Variants in PDXDC1 observed in about 807,000 individuals in gnomAD.
PDXDC1 encodes the protein pyridoxal dependent decarboxylase domain containing 1.
A neutral mutation model predicts 100.1 loss-of-function variants in PDXDC1; 42 were observed. That is an observed-to-expected ratio of 0.42 (90% confidence interval 0.33 to 0.54). The LOEUF (loss-of-function observed/expected upper bound fraction) is 0.54, where lower values mean the gene tolerates loss of function less well. PDXDC1 is among the 20% of genes least tolerant of loss of function. PDXDC1 has a pLI of 0.10. For missense variants in PDXDC1, 636 were observed against 979.2 expected (o/e 0.65, Z 4.68); for synonymous variants, 260 against 371.7 (o/e 0.70, Z 3.46).
intron 6 of PDXDC1, among the ~76,000 whole-genome samples, chr16:15,007,959 C>T (rs1396102290): frequency 2.0e-5 from 3 of 152,250 alleles, no homozygotes; most frequent in Non-Finnish European, 4.4e-5. Context: ...TAGAAAAATA[C>T]GTAAATTTAT....
At chr16:15,028,709 CGAG>C (rs1208955110) in intron 14 of PDXDC1, among the ~76,000 whole-genome samples, 166 bp from the exon 15 acceptor site, 1 of 152,288 alleles carries the variant, frequency 6.6e-6, no homozygotes, top group Non-Finnish European at 1.5e-5. Flanking sequence ...ACATAGATCA[CGAG>C]GAAAAAGAAA....
downstream of PDXDC1, among the ~76,000 whole-genome samples, chr16:15,139,813 G>C (rs1248258130): frequency 6.6e-6 from 1 of 152,016 alleles, no homozygotes; most frequent in African/African-American, 2.4e-5. Flanking sequence ...AGAAAAGAAA[G>C]ATGGCTGGGC....
chr16:14,991,822 G>A (rs59299606), intron 1 of PDXDC1, among the ~76,000 whole-genome samples: 36,151 of 146,054 alleles, frequency 0.25, 1,854 homozygotes, highest in East Asian at 0.45. Flanking sequence ...CACACCTGGC[G>A]TATTTTATCT....
intron 16 of PDXDC1, among the ~76,000 whole-genome samples, chr16:15,064,421 C>T (rs1284205405): frequency 6.6e-6 from 1 of 152,110 alleles, no homozygotes; most frequent in Non-Finnish European, 1.5e-5. Context: ...GTGATCCGCC[C>T]GCCTCAGCCT....
intron 16 of PDXDC1, chr16:15,048,229 A>C: frequency 3.2e-6 from 2 of 632,750 alleles, no homozygotes; most frequent in South Asian, 4.0e-5. Context: ...GTTAGTGGAC[A>C]GAGAGGCTCA....
At chr16:15,041,943 T>A (rs2043834980), downstream of PDXDC1, among the ~76,000 whole-genome samples, 1 of 152,234 alleles carries the variant, frequency 6.6e-6, no homozygotes, top group South Asian at 2.1e-4. Flanking sequence ...CTCTTCATTC[T>A]GAGAGTTTTG....
At chr16:15,147,999 G>GT in the PDXDC1 span, among the ~76,000 whole-genome samples, 275 of 146,458 alleles carry the variant, frequency 1.9e-3, no homozygotes, top group African/African-American at 4.7e-3. Flanking sequence ...TTTTTGTTTT[G>GT]TTTTTTTTTT....
At chr16:15,020,975 AACACACACACACACAC>A (rs66850292) in intron 12 of PDXDC1, among the ~76,000 whole-genome samples, 39 of 145,936 alleles carry the variant, frequency 2.7e-4, no homozygotes, top group African/African-American at 6.9e-4. Flanking sequence ...GCACCATCTA[AACACACACACACACAC>A]ACACACACAC....
At chr16:15,115,051 T>G (rs2047197913) in intron 16 of PDXDC1, among the ~76,000 whole-genome samples, 1 of 146,524 alleles carries the variant, frequency 6.8e-6, no homozygotes, top group African/African-American at 2.5e-5. Context: ...TTCTCCTGCC[T>G]CAGCCTCCCG....
chr16:15,027,262 C>T (rs1440316299), intron 14 of PDXDC1, among the ~76,000 whole-genome samples: 1 of 152,296 alleles, frequency 6.6e-6, no homozygotes, highest in Non-Finnish European at 1.5e-5. Context: ...GGGTGTGGCT[C>T]GCTTCTTCAG....
intron 16 of PDXDC1, among the ~76,000 whole-genome samples, chr16:15,053,883 G>A (rs1393019875): frequency 1.3e-5 from 2 of 152,202 alleles, no homozygotes; most frequent in Admixed American, 6.5e-5. Context: ...CAGCAATCCA[G>A]CCTGGGCCAC....
intron 16 of PDXDC1, among the ~76,000 whole-genome samples, chr16:15,110,064 G>A (rs947041644): frequency 6.7e-6 from 1 of 148,282 alleles, no homozygotes; most frequent in African/African-American, 2.4e-5. Context: ...TGAGGCAGGA[G>A]AATTGCTTGA....
chr16:15,039,318 C>G (rs1164649888), downstream of PDXDC1, among the ~76,000 whole-genome samples: 1 of 152,208 alleles, frequency 6.6e-6, no homozygotes, highest in Non-Finnish European at 1.5e-5. Context: ...AATCCAAACA[C>G]ATTTCCCAGT....
Position 15,031,795 on chromosome 16 carries a change from C to G in PDXDC1, c.1460C>G (p.Pro487Arg), listed in dbSNP as rs1444056122. The change falls in exon 17 of 23, where the codon CCA becomes CGA. Residue 487 changes from proline (P) to arginine (R), a missense_variant. Physicochemically the swap from Pro to Arg is moderately radical, Grantham distance 103 (BLOSUM62 -2). Around this residue, in one of 4 missense-constraint regions of PDXDC1, gnomAD observed 452 missense variants for 402.9 expected, o/e 1.12. Transcript: ENST00000396410. The stretch of plus-strand genomic sequence containing the variant: ...GTAGCCTGCATAGAAAGCAAACTGC[C>G]AGTGCTGTGCTGTACGCTCCAGTTG... ...QLVACIESKL[P>R]VLCCTLQLRE... is the part of the protein sequence containing the mutation. The G allele has an allele frequency of 6.2e-7, 1 of 1,613,832 alleles. No homozygotes were observed. The highest frequency in any genetic ancestry group is 8.5e-7 in the Non-Finnish European group (1 of 1,179,830).
chr16:15,038,047 G>A lies in PDXDC1; in HGVS notation c.*1772G>A, dbSNP rs372317261. 19 of 1,611,878 alleles carry A rather than the reference G, an allele frequency of 1.2e-5. No individual in the cohort carries two copies. In the African/African-American group the frequency reaches 1.9e-4, roughly 16 times the overall value. Reference sequence around the variant, plus strand: ...TCATGTTTTTTAACTTCCTGGAGAAGAGATCTTTTCCCACAAGCCATCTTC... The same window carrying A: ...TCATGTTTTTTAACTTCCTGGAGAAAAGATCTTTTCCCACAAGCCATCTTC... On this transcript the variant is annotated 3_prime_UTR_variant, in exon 23 of 23. Coordinates refer to ENST00000396410, the MANE Select transcript of PDXDC1 (RefSeq NM_015027.4).
At chr16:15,047,182 C>T (rs1418454007) in intron 16 of PDXDC1, 11 of 506,688 alleles carry the variant, frequency 2.2e-5, no homozygotes, top group African/African-American at 7.7e-5. Flanking sequence ...GCAACCTCGA[C>T]GTTCCTGAGA....
chr16:15,093,961 C>T, intron 16 of PDXDC1: 3 of 626,978 alleles, frequency 4.8e-6, no homozygotes, highest in South Asian at 1.9e-5. Flanking sequence ...CTTTTCCAGG[C>T]CCCACCCATG....
chr16:15,055,641 G>A (rs865990874), intron 16 of PDXDC1: 2 of 342,808 alleles, frequency 5.8e-6, no homozygotes, highest in African/African-American at 2.1e-5. Context: ...GCGACCTTGG[G>A]CAAGTCACCT....
At chr16:14,982,203 A>G (rs1280328568) in intron 1 of PDXDC1, among the ~76,000 whole-genome samples, 2 of 152,312 alleles carry the variant, frequency 1.3e-5, no homozygotes, top group Admixed American at 1.3e-4. Context: ...TAGGAAGATT[A>G]TGATGCTTAA....
Sources: gnomAD v4.1 joint callset for allele counts (sites outside exome capture counted in the v4.1 genomes callset) on GRCh38, gnomAD v4.1.1 for gene constraint, gnomAD v4.1.1 regional missense constraint, MANE v1.5 for transcripts, NCBI Gene and HGNC (gene_info 2026-07-23, HGNC 2026-07-21) for gene names.